Variants in FIRRM observed in about 807,000 individuals in gnomAD.
FIRRM encodes FIGNL1 interacting regulator of recombination and mitosis, also known as FIGNL1-interacting regulator of recombination and mitosis.
the FIRRM span, among the ~76,000 whole-genome samples, chr1:169,800,423 T>C: frequency 1.3e-5 from 2 of 152,194 alleles, no homozygotes; most frequent in African/African-American, 2.4e-5. Flanking sequence ...ATGAAACATA[T>C]AGAAAAACAG....
chr1:169,849,355 G>A, the FIRRM span: 1 of 607,006 alleles, frequency 1.6e-6, no homozygotes, highest in Non-Finnish European at 2.8e-6. Context: ...GTAAAAGAGT[G>A]ACATTACCTA....
the FIRRM span, chr1:169,851,620 C>CT: frequency 3.1e-6 from 2 of 655,456 alleles, no homozygotes. Flanking sequence ...AACTCTATAA[C>CT]TAACTATTTT....
chr1:169,784,436 T>A, the FIRRM span, among the ~76,000 whole-genome samples: 2 of 152,200 alleles, frequency 1.3e-5, no homozygotes, highest in Non-Finnish European at 1.5e-5. Context: ...TCTACCATTT[T>A]TTTTCCCCAG....
the FIRRM span, among the ~76,000 whole-genome samples, chr1:169,818,567 T>A: frequency 6.6e-6 from 1 of 152,194 alleles, no homozygotes; most frequent in African/African-American, 2.4e-5. Context: ...GACAAAATAT[T>A]TAAGTGTTCA....
the FIRRM span, among the ~76,000 whole-genome samples, chr1:169,848,758 T>G: frequency 6.6e-6 from 1 of 152,200 alleles, no homozygotes; most frequent in Non-Finnish European, 1.5e-5. Flanking sequence ...TGTGAACCAC[T>G]ATGGACTATG....
the FIRRM span, chr1:169,829,548 G>A: frequency 8.9e-7 from 1 of 1,118,026 alleles, no homozygotes; most frequent in Non-Finnish European, 1.2e-6. Flanking sequence ...GGAATACTTA[G>A]TATATTCCTT....
At chr1:169,830,318 G>A in the FIRRM span, 2 of 1,613,764 alleles carry the variant, frequency 1.2e-6, no homozygotes, top group Non-Finnish European at 1.7e-6. Context: ...TGTTAGCTAT[G>A]GATGCATGGT....
chr1:169,795,410 G>A, the FIRRM span: 88 of 1,402,562 alleles, frequency 6.3e-5, no homozygotes, highest in African/African-American at 1.0e-4. Flanking sequence ...TTTAAGTAAG[G>A]CTTTGGCCCT....
the FIRRM span, among the ~76,000 whole-genome samples, chr1:169,845,631 G>A: frequency 6.6e-6 from 1 of 152,098 alleles, no homozygotes; most frequent in African/African-American, 2.4e-5. Context: ...TCTATACCAG[G>A]AGTAGTTATG....
the FIRRM span, chr1:169,795,015 C>A: frequency 1.9e-6 from 2 of 1,036,870 alleles, no homozygotes; most frequent in Non-Finnish European, 1.4e-6. Context: ...TTGGAGCCGG[C>A]GGAGAGCGCG....
At chr1:169,852,408 T>A in the FIRRM span, 135 of 268,762 alleles carry the variant, frequency 5.0e-4, no homozygotes, top group Admixed American at 6.5e-4. Flanking sequence ...GTAATTAGTA[T>A]AGTAGTAATT....
chr1:169,788,987 A>G, the FIRRM span, among the ~76,000 whole-genome samples: 2 of 152,204 alleles, frequency 1.3e-5, no homozygotes, highest in African/African-American at 2.4e-5. Context: ...GTAGTCATAA[A>G]TGTACTGTGG....
the FIRRM span, among the ~76,000 whole-genome samples, chr1:169,837,807 A>T: frequency 6.6e-6 from 1 of 152,258 alleles, no homozygotes; most frequent in South Asian, 2.1e-4. Flanking sequence ...AGATAAGGAT[A>T]GGGCATTCAA....
chr1:169,792,894 C>T, the FIRRM span: 1 of 1,613,954 alleles, frequency 6.2e-7, no homozygotes, highest in Non-Finnish European at 8.5e-7. Flanking sequence ...GACCACTCAC[C>T]AGAAAAAAAT....
chr1:169,853,320 A>G, the FIRRM span: 2 of 337,100 alleles, frequency 5.9e-6, no homozygotes, highest in East Asian at 6.0e-5. Context: ...TTAAAGTTGT[A>G]TTTCATAATA....
the FIRRM span, chr1:169,806,167 A>G: frequency 3.7e-6 from 3 of 810,362 alleles, no homozygotes; most frequent in African/African-American, 5.3e-5. Flanking sequence ...GATTCTTTAG[A>G]TTGCATTTAA....
chr1:169,827,918 G>C, the FIRRM span: 1 of 1,467,112 alleles, frequency 6.8e-7, no homozygotes, highest in Non-Finnish European at 9.2e-7. Context: ...TTGAAATTAA[G>C]TTTGTGTGTT....
the FIRRM span, chr1:169,843,621 A>G: frequency 9.7e-7 from 1 of 1,026,634 alleles, no homozygotes; most frequent in South Asian, 1.3e-5. Context: ...GCTTGCTATT[A>G]TTATTCTTAT....
the FIRRM span, chr1:169,795,219 C>G: frequency 6.5e-7 from 1 of 1,535,586 alleles, no homozygotes; most frequent in Non-Finnish European, 8.7e-7. Flanking sequence ...TCCTCATATC[C>G]TTCCTTGGTT....
Sources: gnomAD v4.1 joint callset for allele counts (sites outside exome capture counted in the v4.1 genomes callset) on GRCh38, gnomAD v4.1.1 for gene constraint, MANE v1.5 for transcripts, NCBI Gene and HGNC (gene_info 2026-07-23, HGNC 2026-07-21) for gene names.